The following PTP4A2 variants were observed in gnomAD, a reference collection of about 807,000 sequenced individuals.
The protein encoded by PTP4A2 is protein tyrosine phosphatase 4A2, also known as protein tyrosine phosphatase type IVA 2.
Under a neutral mutation model 22.9 loss-of-function variants are expected in PTP4A2, and 2 were observed. That is an observed-to-expected ratio of 0.09 (90% confidence interval 0.04 to 0.27). PTP4A2 has a LOEUF of 0.27. Among genes scored for constraint, PTP4A2 ranks in the 10% least tolerant of loss-of-function variants. PTP4A2 has a pLI of 1.00. For synonymous variants in PTP4A2, 68 were observed against 69.1 expected (o/e 0.98, Z 0.08); for missense variants, 103 against 205.1 (o/e 0.50, Z 3.04).
At chr1:31,932,367 G>T (rs1048525338) in intron 1 of PTP4A2, among the ~76,000 whole-genome samples, 3 of 151,818 alleles carry the variant, frequency 2.0e-5, no homozygotes, top group Non-Finnish European at 4.4e-5. Flanking sequence ...GCAAAGAAAG[G>T]GTCACAAAAA....
intron 3 of PTP4A2, chr1:31,915,570 C>G: frequency 6.4e-6 from 1 of 156,672 alleles, no homozygotes; most frequent in South Asian, 2.2e-4. Context: ...GACGGGGTTT[C>G]CCTCTGTCAC....
chr1:31,920,699 G>A (rs1652103072), intron 1 of PTP4A2, among the ~76,000 whole-genome samples: 1 of 151,632 alleles, frequency 6.6e-6, no homozygotes, highest in Non-Finnish European at 1.5e-5. Context: ...CACCACACCT[G>A]GCTAATTTTT....
At chr1:31,931,788 A>G (rs1652738651) in intron 1 of PTP4A2, among the ~76,000 whole-genome samples, 1 of 152,232 alleles carries the variant, frequency 6.6e-6, no homozygotes, top group Admixed American at 6.5e-5. Context: ...TGTCACTAGA[A>G]TCTATTGTTT....
intron 3 of PTP4A2, chr1:31,914,497 C>G (rs1459594934): frequency 3.3e-6 from 1 of 301,334 alleles, no homozygotes; most frequent in East Asian, 1.0e-4. Context: ...GCATCAACTG[C>G]CTTCCCAACC....
chr1:31,908,983 C>T (rs1651387679), intron 5 of PTP4A2, 23 bp from the exon 6 acceptor site: 24 of 1,532,174 alleles, frequency 1.6e-5, no homozygotes, highest in Non-Finnish European at 2.1e-5. Context: ...GAATGGCAAA[C>T]TTTATCATGT....
Position 31,937,241 on chromosome 1 carries a change from A to C in PTP4A2, c.-594+746T>G, listed in dbSNP as rs185689505. 2.2e-3 allele frequency among the ~76,000 whole-genome samples: 335 copies of C among 152,204 alleles called. 1 individual carries two copies. The South Asian group carries it at 0.024, about 11-fold the overall frequency. On this transcript the variant is annotated intron_variant, in intron 1 of 5. Coordinates refer to ENST00000647444, the MANE Select transcript of PTP4A2 (RefSeq NM_080391.4). ...AGAAAAAAATGTATAGAACAACAACAAAAAAACACATCACATCCTTTCTGG... is the reference window on the plus strand; with the variant it reads ...AGAAAAAAATGTATAGAACAACAACCAAAAAACACATCACATCCTTTCTGG...
intron 1 of PTP4A2, among the ~76,000 whole-genome samples, chr1:31,919,969 A>T (rs537637704): frequency 6.7e-6 from 1 of 149,740 alleles, no homozygotes; most frequent in Admixed American, 6.7e-5. Flanking sequence ...GCTACTAAAA[A>T]TACACAATTA....
intron 4 of PTP4A2, chr1:31,911,199 T>G (rs1193281424): frequency 6.6e-6 from 1 of 152,382 alleles, no homozygotes; most frequent in East Asian, 1.9e-4. Flanking sequence ...AAAGTGTGCA[T>G]CCTAAATTGG....
chr1:31,912,892 G>T, intron 3 of PTP4A2: 1 of 371,502 alleles, frequency 2.7e-6, no homozygotes, highest in Admixed American at 3.4e-5. Flanking sequence ...GTACATGATT[G>T]AGTTGACAAC....
intron 3 of PTP4A2, chr1:31,913,774 C>A: frequency 2.2e-6 from 1 of 455,704 alleles, no homozygotes; most frequent in South Asian, 1.6e-5. Context: ...TTCTATTTCA[C>A]AAAGATGTTT....
chr1:31,933,064 T>C (rs1022215812), intron 1 of PTP4A2: 3 of 152,120 alleles, frequency 2.0e-5, no homozygotes, highest in African/African-American at 7.2e-5. Flanking sequence ...TGCAGTGGCA[T>C]AGTCTCGGCT....
Position 31,908,755 on chromosome 1 carries a change from C to G in PTP4A2, c.*97G>C. On this transcript the variant is annotated 3_prime_UTR_variant, in exon 6 of 6. Coordinates refer to ENST00000647444, the MANE Select transcript of PTP4A2 (RefSeq NM_080391.4). ...TTGAGGAGTACTGAATCCATCACTA[C>G]TTTGATGACACAGGTAATATTCCAG... The G allele has an allele frequency of 1.2e-6, 1 of 850,050 alleles. No individual in the cohort carries two copies. The highest frequency in any genetic ancestry group is 1.5e-5 in the South Asian group (1 of 66,408). 52.7% of individuals were successfully genotyped at this position (850,050 alleles called of 1,614,324 possible).
chr1:31,935,658 G>C (rs552931780), intron 1 of PTP4A2: 1 of 152,232 alleles, frequency 6.6e-6, no homozygotes, highest in East Asian at 1.9e-4. Flanking sequence ...TATCCCTAGT[G>C]CCTGGCAAAT....
rs755406990 is a variant in PTP4A2 at position 31,908,945 on chromosome 1, C to T, written c.411G>A (p.Ala137=). The T allele has an allele frequency of 5.6e-6, 9 of 1,613,066 alleles. No individual in the cohort carries two copies. Among genetic ancestry groups the T allele is most frequent in the South Asian group, 5.5e-5 (5 of 90,978 alleles). ...AATAAAGCAGCTGTTTGGAATTGAA[C>T]GCTCCCCTTCTTTTTCTGAAAATAC... is the stretch of plus-strand genomic sequence containing the variant. ...VQFIRQKRRG[A]FNSKQLLYLE... The change falls in exon 6 of 6, where the codon GCG becomes GCA. Residue 137 remains alanine, a synonymous_variant. Coordinates refer to ENST00000647444, the MANE Select transcript of PTP4A2 (RefSeq NM_080391.4).
intron 2 of PTP4A2, among the ~76,000 whole-genome samples, chr1:31,916,345 C>CAAAAAAAAAAAAAA (rs1167002913): frequency 2.8e-5 from 1 of 35,446 alleles, no homozygotes; most frequent in Non-Finnish European, 6.4e-5. Flanking sequence ...ACTCCGTCTC[C>CAAAAAAAAAAAAAA]AAAAAAAAAA....
rs1243088060 is a variant in PTP4A2 at position 31,926,147 on chromosome 1, A to ATAT, written c.-593-6490_-593-6489insATA. On this transcript the variant is annotated intron_variant, in intron 1 of 5. Coordinates refer to ENST00000647444, the MANE Select transcript of PTP4A2 (RefSeq NM_080391.4). ...CGTTTCAAAAAATTAAAAAAAAAAAAAAATATATATATATATATATATTTA... is the reference window on the plus strand; with the variant it reads ...CGTTTCAAAAAATTAAAAAAAAAAAATATAAATATATATATATATATATATTTA... Among the ~76,000 whole-genome samples, 614 of 127,384 alleles carry ATAT rather than the reference A, an allele frequency of 4.8e-3. 7 individuals are homozygous for ATAT. The highest frequency in any genetic ancestry group is 8.3e-3 in the African/African-American group (277 of 33,558). The allele number at this position is 127,384 out of a possible 152,430, so 83.6% of individuals were successfully genotyped here.
At chr1:31,936,909 G>A (rs570465143) in intron 1 of PTP4A2, among the ~76,000 whole-genome samples, 1 of 152,222 alleles carries the variant, frequency 6.6e-6, no homozygotes, top group East Asian at 1.9e-4. Flanking sequence ...TGGCGACTCC[G>A]GACAGACAAA....
intron 1 of PTP4A2, among the ~76,000 whole-genome samples, chr1:31,936,839 C>T (rs941749560): frequency 6.6e-6 from 1 of 152,184 alleles, no homozygotes; most frequent in African/African-American, 2.4e-5. Flanking sequence ...TCTGAAACTA[C>T]TCTCTCTTAC....
chr1:31,918,883 A>T (rs1257061566), intron 2 of PTP4A2, 87 bp downstream of exon 2: 5 of 786,144 alleles, frequency 6.4e-6, no homozygotes, highest in Non-Finnish European at 1.1e-5. Context: ...CTCCAAATAC[A>T]GAATAAATGG....
Sources: gnomAD v4.1 joint callset for allele counts (sites outside exome capture counted in the v4.1 genomes callset) on GRCh38, gnomAD v4.1.1 for gene constraint, MANE v1.5 for transcripts, NCBI Gene and HGNC (gene_info 2026-07-23, HGNC 2026-07-21) for gene names.